Variants in PITPNB observed in about 807,000 individuals in gnomAD.
PITPNB encodes phosphatidylinositol transfer protein beta, also known as phosphatidylinositol transfer protein beta isoform.
In PITPNB, 16 loss-of-function variants were observed where a neutral mutation model predicts 45.9. That is an observed-to-expected ratio of 0.35 (90% CI 0.24 to 0.53). The LOEUF (loss-of-function observed/expected upper bound fraction) is 0.53, where lower values mean the gene tolerates loss of function less well. PITPNB is among the 20% of genes least tolerant of loss of function. The pLI is 0.93. For synonymous variants in PITPNB, 112 were observed against 108.9 expected (o/e 1.03, Z -0.18); for missense variants, 188 against 330.5 (o/e 0.57, Z 3.34).
chr22:27,877,603 C>A (rs1934855664), intron 7 of PITPNB, among the ~76,000 whole-genome samples: 1 of 152,154 alleles, frequency 6.6e-6, no homozygotes, highest in Admixed American at 6.5e-5. Flanking sequence ...CAATAGAAAC[C>A]GGATTCATTT....
chr22:27,859,888 A>G (rs372934311), intron 9 of PITPNB, among the ~76,000 whole-genome samples: 2 of 152,240 alleles, frequency 1.3e-5, no homozygotes, highest in South Asian at 4.1e-4. Flanking sequence ...TGGGCAAACC[A>G]TAAGGTAAGC....
intron 5 of PITPNB, 139 bp from the exon 6 acceptor site, chr22:27,896,765 T>G (rs1935444644): frequency 1.6e-6 from 1 of 630,252 alleles, no homozygotes; most frequent in African/African-American, 1.8e-5. Context: ...AAAGAATCAT[T>G]GGCTACCGAT....
intron 2 of PITPNB, among the ~76,000 whole-genome samples, chr22:27,912,642 T>TAAAAA: frequency 6.9e-6 from 1 of 144,610 alleles, no homozygotes; most frequent in African/African-American, 2.5e-5. Context: ...AATAAAAAAT[T>TAAAAA]AAAAAAAAAA....
At chr22:27,905,757 C>T (rs1283698365) in intron 3 of PITPNB, among the ~76,000 whole-genome samples, 3 of 152,130 alleles carry the variant, frequency 2.0e-5, no homozygotes, top group African/African-American at 7.2e-5. Context: ...AACACTTACG[C>T]AGAATAAGAA....
intron 2 of PITPNB, among the ~76,000 whole-genome samples, chr22:27,911,590 G>A (rs1935924745): frequency 6.6e-6 from 1 of 152,178 alleles, no homozygotes; most frequent in Non-Finnish European, 1.5e-5. Flanking sequence ...GATGTAAACT[G>A]TAATAACAAA....
intron 9 of PITPNB, among the ~76,000 whole-genome samples, chr22:27,859,899 A>C (rs977257658): frequency 1.2e-4 from 18 of 152,244 alleles, no homozygotes; most frequent in Admixed American, 9.2e-4. Flanking sequence ...TAAGGTAAGC[A>C]CTTTGAACAA....
intron 9 of PITPNB, among the ~76,000 whole-genome samples, chr22:27,858,976 C>T (rs1934244875): frequency 6.6e-6 from 1 of 152,122 alleles, no homozygotes; most frequent in East Asian, 1.9e-4. Flanking sequence ...AGAATCATTA[C>T]AAACTCTCCC....
At chr22:27,895,771 G>T (rs1183423976) in intron 6 of PITPNB, among the ~76,000 whole-genome samples, 1 of 152,186 alleles carries the variant, frequency 6.6e-6, no homozygotes, top group Non-Finnish European at 1.5e-5. Flanking sequence ...CTCCTGGAAT[G>T]AATGTGCATC....
intron 7 of PITPNB, among the ~76,000 whole-genome samples, chr22:27,889,588 T>A (rs867552872): frequency 2.0e-5 from 3 of 152,340 alleles, no homozygotes; most frequent in South Asian, 2.1e-4. Flanking sequence ...CCTTTTCAGC[T>A]TTGCATTCTT....
At chr22:27,891,249 C>T (rs866536759) in intron 7 of PITPNB, among the ~76,000 whole-genome samples, 16 of 152,028 alleles carry the variant, frequency 1.1e-4, no homozygotes, top group African/African-American at 3.9e-4. Flanking sequence ...TGTATTTTAT[C>T]CCAATAAAAA....
intron 11 of PITPNB, among the ~76,000 whole-genome samples, chr22:27,853,873 A>G (rs928052760): frequency 3.9e-5 from 6 of 152,346 alleles, no homozygotes; most frequent in African/African-American, 1.4e-4. Context: ...GGGAAAATAA[A>G]GTCGAGGCAG....
chr22:27,900,174 T>C (rs1207968038), intron 3 of PITPNB, among the ~76,000 whole-genome samples: 2 of 149,240 alleles, frequency 1.3e-5, no homozygotes, highest in Non-Finnish European at 3.0e-5. Context: ...CACTCCAGCA[T>C]GGGTGACATA....
At chr22:27,914,125 T>C (rs745945621) in intron 2 of PITPNB, among the ~76,000 whole-genome samples, 192 bp downstream of exon 2, 2 of 152,220 alleles carry the variant, frequency 1.3e-5, no homozygotes, top group African/African-American at 4.8e-5. Flanking sequence ...AACAAGGCAG[T>C]GTAGCAAGAA....
Position 27,914,795 on chromosome 22 carries a change from C to T in PITPNB, c.21-448G>A, listed in dbSNP as rs114005716. 6.8e-3 allele frequency among the ~76,000 whole-genome samples: 1,032 copies of T among 152,264 alleles called. 7 individuals carry two copies. Among genetic ancestry groups the T allele is most frequent in the African/African-American group, 0.023 (936 of 41,550 alleles). ...CGTGTCTTGAATCTCATTGAATAAA[C>T]GCTTCCAGAAACTGTTCCCCCACTA... On this transcript the variant is annotated intron_variant, in intron 1 of 11. Coordinates refer to ENST00000335272, the MANE Select transcript of PITPNB (RefSeq NM_012399.5).
At chr22:27,867,952 A>G (rs1315656544) in intron 8 of PITPNB, among the ~76,000 whole-genome samples, 3 of 152,168 alleles carry the variant, frequency 2.0e-5, no homozygotes, top group African/African-American at 7.2e-5. Context: ...TATGTGCTAT[A>G]TATTTATTTT....
chr22:27,859,246 A>C (rs1934251528), intron 9 of PITPNB, among the ~76,000 whole-genome samples: 1 of 152,244 alleles, frequency 6.6e-6, no homozygotes, highest in South Asian at 2.1e-4. Context: ...TTATGATCCG[A>C]GAGGAAGGAA....
At chr22:27,878,449 G>C (rs1283843780) in intron 7 of PITPNB, among the ~76,000 whole-genome samples, 1 of 152,120 alleles carries the variant, frequency 6.6e-6, no homozygotes, top group African/African-American at 2.4e-5. Flanking sequence ...TTACTAACTT[G>C]TTTAAGAAAC....
At chr22:27,918,853 C>T (rs1324846439) in intron 1 of PITPNB, among the ~76,000 whole-genome samples, 4 of 152,166 alleles carry the variant, frequency 2.6e-5, no homozygotes, top group Non-Finnish European at 5.9e-5. Context: ...CCAGACCCAG[C>T]CTGGGGGTGG....
chr22:27,916,206 A>T (rs1024463783), intron 1 of PITPNB, among the ~76,000 whole-genome samples: 1 of 152,256 alleles, frequency 6.6e-6, no homozygotes, highest in Non-Finnish European at 1.5e-5. Flanking sequence ...AATTAAAGTG[A>T]CTGATTAAGA....
Sources: allele counts gnomAD v4.1 joint callset (sites outside exome capture counted in the v4.1 genomes callset), GRCh38; gene constraint gnomAD v4.1.1; transcripts MANE v1.5; gene names NCBI Gene and HGNC (gene_info 2026-07-23, HGNC 2026-07-21).